Variants in NKAIN3 observed in about 807,000 individuals in gnomAD.
NKAIN3 encodes the protein sodium/potassium-transporting ATPase subunit beta-1-interacting protein 3.
Under a neutral mutation model 30.2 loss-of-function variants are expected in NKAIN3, and 25 were observed. The observed-to-expected ratio is 0.83, with a 90% confidence interval of 0.60 to 1.16. The LOEUF (loss-of-function observed/expected upper bound fraction) is 1.16, where lower values mean the gene tolerates loss of function less well. Ranked by LOEUF, NKAIN3 falls within the 50% of genes most tolerant of loss-of-function variation. The pLI is 0.00. For missense variants in NKAIN3, 225 were observed against 254.1 expected (o/e 0.89, Z 0.78); for synonymous variants, 91 against 89.6 (o/e 1.02, Z -0.09).
At chr8:62,828,122 A>T (rs1380531098) in intron 4 of NKAIN3, among the ~76,000 whole-genome samples, 3 of 152,182 alleles carry the variant, frequency 2.0e-5, no homozygotes, top group African/African-American at 7.2e-5. Flanking sequence ...ATCTATTGAT[A>T]TATGCAATAA....
chr8:62,598,430 G>C (rs1810897614), intron 3 of NKAIN3, among the ~76,000 whole-genome samples: 1 of 151,996 alleles, frequency 6.6e-6, no homozygotes, highest in African/African-American at 2.4e-5. Flanking sequence ...GAGGGAGGGT[G>C]GGGACATAAC....
At chr8:62,426,068 A>G (rs924500423) in intron 1 of NKAIN3, among the ~76,000 whole-genome samples, 6 of 151,994 alleles carry the variant, frequency 3.9e-5, no homozygotes, top group African/African-American at 1.2e-4. Flanking sequence ...ATTTATTTAT[A>G]TTATAATGAG....
At chr8:62,367,339 A>C (rs1816767000) in intron 1 of NKAIN3, among the ~76,000 whole-genome samples, 1 of 152,176 alleles carries the variant, frequency 6.6e-6, no homozygotes, top group Non-Finnish European at 1.5e-5. Context: ...TAGCAAACCA[A>C]ATTCAAAAGC....
rs1308679147 is a variant in NKAIN3, at chr8:62,971,270, C to T, written c.*5863C>T. Among the ~76,000 whole-genome samples, 1 of 152,152 alleles carries T rather than the reference C, an allele frequency of 6.6e-6. No homozygotes were observed. The highest frequency in any genetic ancestry group is 1.9e-4 in the East Asian group (1 of 5,198). ...TACATCTCATTAGCCAAAACTTGGT[C>T]CACCCCCAACTTTGCAGTGAAGAAA... On this transcript the variant is annotated 3_prime_UTR_variant, in exon 7 of 7. Transcript: ENST00000623646.
intron 3 of NKAIN3, among the ~76,000 whole-genome samples, chr8:62,619,026 T>A (rs1811545621): frequency 6.6e-6 from 1 of 152,138 alleles, no homozygotes; most frequent in African/African-American, 2.4e-5. Flanking sequence ...GCATTCTAAT[T>A]TGGTGGTAAT....
chr8:62,678,653 CATT>C (rs1813554628), intron 3 of NKAIN3, among the ~76,000 whole-genome samples: 1 of 150,020 alleles, frequency 6.7e-6, no homozygotes, highest in Admixed American at 6.7e-5. Flanking sequence ...AATATAACAT[CATT>C]ATATTATATC....
In NKAIN3 at chr8:62,372,698, A is replaced by G. The variant is rs1173499413; in HGVS notation, c.54+123571A>G. 1.4e-4 allele frequency among the ~76,000 whole-genome samples: 22 copies of G among 151,938 alleles called. 1 individual carries two copies. The highest frequency in any genetic ancestry group is 1.4e-3 in the Admixed American group (22 of 15,262). ...ATTGTTCTCAATTCATTTTTATTTT[A>G]TGTTTCCTTGTTTTATGAAGACAGC... On this transcript the variant is annotated intron_variant, in intron 1 of 6. Transcript: ENST00000623646.
intron 1 of NKAIN3, among the ~76,000 whole-genome samples, chr8:62,442,345 T>C (rs1805354128): frequency 6.6e-6 from 1 of 151,998 alleles, no homozygotes; most frequent in Non-Finnish European, 1.5e-5. Flanking sequence ...TCTAGAAATG[T>C]ATTCTGTTTT....
intron 1 of NKAIN3, among the ~76,000 whole-genome samples, chr8:62,466,841 A>G (rs1806178967): frequency 6.6e-6 from 1 of 152,148 alleles, no homozygotes; most frequent in African/African-American, 2.4e-5. Context: ...GCAATCACTC[A>G]TATCACATGT....
intron 1 of NKAIN3, among the ~76,000 whole-genome samples, chr8:62,488,478 C>A (rs1806970160): frequency 6.6e-6 from 1 of 152,160 alleles, no homozygotes; most frequent in Non-Finnish European, 1.5e-5. Flanking sequence ...CAGCTAAAAT[C>A]CTTTCTTTTT....
At chr8:62,925,225 G>A (rs1337252272) in intron 5 of NKAIN3, among the ~76,000 whole-genome samples, 1 of 152,086 alleles carries the variant, frequency 6.6e-6, no homozygotes, top group Non-Finnish European at 1.5e-5. Context: ...TAGAATCTCA[G>A]AACCTGCTTC....
chr8:62,676,427 G>C (rs1813476157), intron 3 of NKAIN3, among the ~76,000 whole-genome samples: 1 of 152,182 alleles, frequency 6.6e-6, no homozygotes, highest in South Asian at 2.1e-4. Flanking sequence ...AAATTAGCTG[G>C]GTATGGTGGT....
chr8:62,948,186 T>C (rs1823179608), intron 5 of NKAIN3, among the ~76,000 whole-genome samples: 1 of 151,852 alleles, frequency 6.6e-6, no homozygotes, highest in African/African-American at 2.4e-5. Context: ...ATCTGTGACT[T>C]GGTATTTCCT....
intron 4 of NKAIN3, among the ~76,000 whole-genome samples, chr8:62,916,515 C>T (rs1038896262): frequency 3.3e-5 from 5 of 152,112 alleles, no homozygotes; most frequent in African/African-American, 1.2e-4. Context: ...TTTGTTTGTT[C>T]TCTCACTGTC....
At chr8:62,772,979 G>T (rs1449006697) in intron 4 of NKAIN3, among the ~76,000 whole-genome samples, 1 of 151,716 alleles carries the variant, frequency 6.6e-6, no homozygotes, top group Non-Finnish European at 1.5e-5. Flanking sequence ...TTTTTTATTG[G>T]ATTATTAGAT....
At position 62,454,876 on chromosome 8, in the gene NKAIN3, C is replaced by G. The variant is rs187632069; in HGVS notation, c.55-124663C>G. Among the ~76,000 whole-genome samples the G allele has an allele frequency of 1.7e-3, 252 of 152,302 alleles. 1 individual carries two copies. Among genetic ancestry groups the G allele is most frequent in the Non-Finnish European group, 2.1e-3 (142 of 68,030 alleles). ...AACAAGAATTCGAGGTCAGCAGCAACAGTTTGTCCAACTTTTTCTGTCCTG... is the reference window on the plus strand; with the variant it reads ...AACAAGAATTCGAGGTCAGCAGCAAGAGTTTGTCCAACTTTTTCTGTCCTG... On this transcript the variant is annotated intron_variant, in intron 1 of 6. Coordinates refer to ENST00000623646, the MANE Select transcript of NKAIN3 (RefSeq NM_001304533.3).
At position 62,983,939 on chromosome 8, in the gene NKAIN3, G is replaced by C. The variant is rs548553050; in HGVS notation, c.*18532G>C. ...GGTGACTTTGGACCCAGTTTGACTG[G>C]TTAGCGTTTAAATAAAACTTAACAG... is the stretch of plus-strand genomic sequence containing the variant. On this transcript the variant is annotated 3_prime_UTR_variant, in exon 7 of 7. Coordinates refer to ENST00000623646, the MANE Select transcript of NKAIN3 (RefSeq NM_001304533.3). 3.3e-5 allele frequency: 5 copies of C among 152,172 alleles called. No homozygotes were observed. The highest frequency in any genetic ancestry group is 2.1e-4 in the South Asian group (1 of 4,836). 9.4% of individuals were successfully genotyped at this position (152,172 alleles called of 1,614,324 possible). A position where few individuals can be genotyped will look rare whatever the true frequency, so the allele number is the denominator to read the frequency against.
chr8:62,880,329 G>A (rs1215590568), intron 4 of NKAIN3, among the ~76,000 whole-genome samples: 3 of 152,234 alleles, frequency 2.0e-5, no homozygotes, highest in East Asian at 1.9e-4. Flanking sequence ...TCACACAGGT[G>A]TTTGATATCA....
chr8:62,872,268 TGCATGACTAGA>T (rs1323086049), intron 4 of NKAIN3, among the ~76,000 whole-genome samples: 1 of 152,232 alleles, frequency 6.6e-6, no homozygotes, highest in Non-Finnish European at 1.5e-5. Flanking sequence ...TGTTAAGCAA[TGCATGACTAGA>T]GCATATTTGT....
Sources: gnomAD v4.1 joint callset for allele counts (sites outside exome capture counted in the v4.1 genomes callset) on GRCh38, gnomAD v4.1.1 for gene constraint, MANE v1.5 for transcripts, NCBI Gene and HGNC (gene_info 2026-07-23, HGNC 2026-07-21) for gene names.